Variants in SYN3 observed in about 807,000 individuals in gnomAD.
SYN3 encodes the protein synapsin III.
A neutral mutation model predicts 65.8 loss-of-function variants in SYN3; 35 were observed. The observed-to-expected ratio is 0.53, with a 90% CI of 0.41 to 0.70. The LOEUF (loss-of-function observed/expected upper bound fraction) is 0.70. Among genes scored for constraint, SYN3 ranks in the 30% least tolerant of loss-of-function variants. SYN3 has a pLI of 0.00. For missense variants in SYN3, 680 were observed against 749.0 expected, an observed-to-expected ratio of 0.91 and a Z score of 1.08; for synonymous variants, 270 against 292.9, an observed-to-expected ratio of 0.92 and a Z score of 0.80.
intron 7 of SYN3, among the ~76,000 whole-genome samples, chr22:32,579,812 A>G (rs891171991): frequency 6.6e-6 from 1 of 152,184 alleles, no homozygotes; most frequent in Non-Finnish European, 1.5e-5. Flanking sequence ...TATCCTGCTT[A>G]TCAGTGCTGG....
intron 6 of SYN3, among the ~76,000 whole-genome samples, chr22:32,804,978 A>C (rs2046686965): frequency 6.6e-6 from 1 of 152,042 alleles, no homozygotes; most frequent in African/African-American, 2.4e-5. Context: ...TGTCCAGCTC[A>C]GGAAGGGGTG....
chr22:32,987,873 T>C (rs886287659), intron 2 of SYN3, among the ~76,000 whole-genome samples: 3 of 152,188 alleles, frequency 2.0e-5, no homozygotes, highest in South Asian at 2.1e-4. Context: ...AGAGCTTACA[T>C]GCTTATTGAA....
At chr22:32,831,822 A>G (rs1240293779) in intron 6 of SYN3, among the ~76,000 whole-genome samples, 1 of 152,166 alleles carries the variant, frequency 6.6e-6, no homozygotes, top group Non-Finnish European at 1.5e-5. Context: ...CTGGACTGTC[A>G]GCCTGGAAAA....
intron 6 of SYN3, among the ~76,000 whole-genome samples, chr22:32,742,102 C>T (rs1432056165): frequency 1.3e-5 from 2 of 151,724 alleles, no homozygotes; most frequent in African/African-American, 4.8e-5. Flanking sequence ...TAAAACCCCA[C>T]CTCTACTAAA....
intron 6 of SYN3, among the ~76,000 whole-genome samples, chr22:32,808,658 C>T (rs2046830655): frequency 6.6e-6 from 1 of 152,196 alleles, no homozygotes; most frequent in African/African-American, 2.4e-5. Context: ...TGGCCCATGA[C>T]ACCCCCTCGG....
In SYN3 at chr22:32,541,669, C is replaced by T. The variant is rs549391257; in HGVS notation, c.819G>A (p.Val273=). The change falls in exon 8 of 14, where the codon GTG becomes GTA. Residue 273 remains valine, a synonymous_variant. Coordinates refer to ENST00000358763, the MANE Select transcript of SYN3 (RefSeq NM_003490.4). ...NQLDFQDITS[V]VAMAKTYATT... is the part of the protein sequence containing the mutation. ...TGGCGTAGGTTTTGGCCATGGCGAC[C>T]ACGCTGGTGATGTCCTGGAAGTCAA... 1 of 1,614,090 alleles carries T rather than the reference C, an allele frequency of 6.2e-7. No homozygotes were observed. Among genetic ancestry groups the T allele is most frequent in the Admixed American group, 1.7e-5 (1 of 60,018 alleles).
chr22:32,861,508 A>G (rs1005040889), intron 6 of SYN3: 2 of 152,280 alleles, frequency 1.3e-5, no homozygotes, highest in Non-Finnish European at 2.9e-5. Flanking sequence ...ACCAACCTAC[A>G]CAAGTTCCCT....
chr22:32,723,134 A>G (rs2061142600), intron 6 of SYN3, among the ~76,000 whole-genome samples: 2 of 152,222 alleles, frequency 1.3e-5, no homozygotes, highest in South Asian at 4.1e-4. Flanking sequence ...CGCCCTGCTC[A>G]ATAGTAAGCC....
intron 6 of SYN3, chr22:32,858,108 C>T: frequency 1.9e-6 from 3 of 1,614,206 alleles, no homozygotes; most frequent in East Asian, 4.5e-5. Context: ...AGGGGCTGAA[C>T]TATCGGTATC....
intron 6 of SYN3, among the ~76,000 whole-genome samples, chr22:32,856,589 C>A (rs1215086341): frequency 6.6e-6 from 1 of 152,126 alleles, no homozygotes; most frequent in African/African-American, 2.4e-5. Flanking sequence ...TTGATATATT[C>A]AAAAATGTAT....
intron 1 of SYN3, among the ~76,000 whole-genome samples, chr22:33,021,784 ATTT>A (rs57313381): frequency 0.45 from 64,294 of 141,712 alleles, 13,861 homozygotes; most frequent in Middle Eastern, 0.53. Flanking sequence ...ACTGTAACTT[ATTT>A]TTTTTTTTTT....
intron 6 of SYN3, among the ~76,000 whole-genome samples, chr22:32,624,036 CCTT>C (rs2059631483): frequency 1.3e-5 from 2 of 152,246 alleles, no homozygotes; most frequent in Non-Finnish European, 2.9e-5. Context: ...CCAGCCCTCT[CCTT>C]CTATGAGGCA....
In SYN3 at chr22:32,801,844, G is replaced by T; in HGVS notation, c.711+63071C>A. On this transcript the variant is annotated intron_variant, in intron 6 of 13. Transcript: ENST00000358763. This position sits in a 1 kb window ranked among gnomAD's most constrained non-coding sequence, Gnocchi z 4.7. ...AGGCAGCCTCGCTGCGCCCCATCCCGTCCCGCCGGGCACTCGGAGGGCAGC... is the reference window on the plus strand; with the variant it reads ...AGGCAGCCTCGCTGCGCCCCATCCCTTCCCGCCGGGCACTCGGAGGGCAGC... 1.1e-6 allele frequency: 1 copy of T among 946,814 alleles called. No homozygotes were observed. Among genetic ancestry groups the T allele is most frequent in the East Asian group, 4.2e-5 (1 of 23,690 alleles). The allele number at this position is 946,814 out of a possible 1,614,324, so 58.7% of individuals were successfully genotyped here.
chr22:32,936,108 T>C (rs1385272137), intron 3 of SYN3, among the ~76,000 whole-genome samples: 1 of 152,192 alleles, frequency 6.6e-6, no homozygotes, highest in Non-Finnish European at 1.5e-5. Flanking sequence ...CAAGTATTTA[T>C]AACATATACA....
intron 6 of SYN3, among the ~76,000 whole-genome samples, chr22:32,641,639 G>C (rs1169750623): frequency 6.7e-6 from 1 of 149,252 alleles, no homozygotes; most frequent in Non-Finnish European, 1.5e-5. Context: ...AATTGCCTAG[G>C]GCTGTTGGGG....
At chr22:32,632,850 G>T (rs2059764631) in intron 6 of SYN3, among the ~76,000 whole-genome samples, 1 of 152,326 alleles carries the variant, frequency 6.6e-6, no homozygotes, top group East Asian at 1.9e-4. Context: ...TACAGGGTTT[G>T]CAAGACCCGG....
intron 6 of SYN3, among the ~76,000 whole-genome samples, chr22:32,663,302 CT>C (rs1468820999): frequency 1.3e-4 from 18 of 137,216 alleles, no homozygotes; most frequent in Non-Finnish European, 4.5e-5. Context: ...CTTTTCTTTT[CT>C]TCTCTTTTTT....
intron 6 of SYN3, among the ~76,000 whole-genome samples, chr22:32,725,428 G>T (rs1356070266): frequency 6.6e-6 from 1 of 152,210 alleles, no homozygotes; most frequent in Non-Finnish European, 1.5e-5. Flanking sequence ...CCACTCCAAA[G>T]ATGCCTATGT....
chr22:32,933,330 T>G (rs1238855916), intron 3 of SYN3, among the ~76,000 whole-genome samples: 1 of 152,178 alleles, frequency 6.6e-6, no homozygotes, highest in East Asian at 1.9e-4. Flanking sequence ...GATGAGGAAA[T>G]GGAGGCAGAA....
Sources: allele counts gnomAD v4.1 joint callset (sites outside exome capture counted in the v4.1 genomes callset), GRCh38; gene constraint gnomAD v4.1.1; non-coding constraint Gnocchi (gnomAD v3.1); transcripts MANE v1.5; gene names NCBI Gene and HGNC (gene_info 2026-07-23, HGNC 2026-07-21).